Variants in CSMD1 observed in about 807,000 individuals in gnomAD.
CSMD1 encodes CUB and sushi domain-containing protein 1.
CSMD1 carries 213 observed loss-of-function variants against 417.5 expected under a neutral mutation model. The observed-to-expected ratio is 0.51, with a 90% CI of 0.46 to 0.57. CSMD1 has a LOEUF of 0.57. CSMD1 is among the 20% of genes least tolerant of loss of function. The probability of loss-of-function intolerance (pLI) is 0.00; values close to 1 mark genes in which losing one functional copy is unlikely to be tolerated. For missense variants in CSMD1, 6,923 were observed against 4,529.7 expected (o/e 1.53, Z -15.17); for synonymous variants, 2,862 against 1,736.8 (o/e 1.65, Z -16.11).
rs1224430397 is a variant in CSMD1 at position 3,494,560 on chromosome 8, A to ATAGGTAGG, written c.1345-835_1345-834insCCTACCTA. ...CAGATACAGACAGATTAGATGATAG[A>ATAGGTAGG]TAGATAGATAGATAGATAGATAGAT... On this transcript the variant is annotated intron_variant, in intron 10 of 69. Transcript: ENST00000635120. Among the ~76,000 whole-genome samples the ATAGGTAGG allele has an allele frequency of 5.0e-3, 217 of 43,320 alleles. 1 individual carries two copies. Among genetic ancestry groups the ATAGGTAGG allele is most frequent in the African/African-American group, 0.016 (207 of 12,876 alleles). The allele number at this position is 43,320 out of a possible 152,430, so 28.4% of individuals were successfully genotyped here.
chr8:3,023,314 T>A (rs1351684077), intron 51 of CSMD1, among the ~76,000 whole-genome samples: 2 of 152,212 alleles, frequency 1.3e-5, no homozygotes, highest in Non-Finnish European at 2.9e-5. Flanking sequence ...TGTGTGTGTA[T>A]AAAATTAAAA....
intron 5 of CSMD1, among the ~76,000 whole-genome samples, chr8:3,957,886 C>A (rs1372350946): frequency 1.3e-5 from 2 of 152,178 alleles, no homozygotes; most frequent in Non-Finnish European, 2.9e-5. Context: ...GGGGCTATCG[C>A]TGTATAATAA....
intron 1 of CSMD1, among the ~76,000 whole-genome samples, chr8:4,934,676 T>C (rs1028563925): frequency 6.6e-6 from 1 of 152,200 alleles, no homozygotes; most frequent in Non-Finnish European, 1.5e-5. Context: ...CTATCATCTA[T>C]GATCCATCTA....
At chr8:3,359,361 G>C in intron 20 of CSMD1, 21 bp from the exon 21 acceptor site, 3 of 1,558,136 alleles carry the variant, frequency 1.9e-6, no homozygotes, top group Non-Finnish European at 2.6e-6. Context: ...CAGAGACAGA[G>C]TAAATGCATG....
intron 3 of CSMD1, among the ~76,000 whole-genome samples, chr8:4,153,330 G>A (rs746564182): frequency 1.3e-5 from 2 of 152,186 alleles, no homozygotes; most frequent in Non-Finnish European, 2.9e-5. Context: ...ACATTGCCCC[G>A]TTTTGTGAAC....
Position 3,384,645 on chromosome 8 carries a change from T to G in CSMD1, c.2782+2849A>C, listed in dbSNP as rs545020577. Among the ~76,000 whole-genome samples the G allele has an allele frequency of 2.2e-4, 31 of 141,498 alleles. 1 individual carries two copies. The East Asian group carries it at 5.8e-3, about 27-fold the overall frequency. 92.8% of individuals were successfully genotyped at this position (141,498 alleles called of 152,430 possible). On this transcript the variant is annotated intron_variant, in intron 18 of 69. Coordinates refer to ENST00000635120, the MANE Select transcript of CSMD1 (RefSeq NM_033225.6). ...GCAAATTGCTATTTATATATTGCTA[T>G]ATACATATAAATTAATATAGATGCT...
At chr8:3,620,427 C>G (rs962783501) in intron 7 of CSMD1, among the ~76,000 whole-genome samples, 1 of 152,030 alleles carries the variant, frequency 6.6e-6, no homozygotes, top group Non-Finnish European at 1.5e-5. Flanking sequence ...ATGTTCATTT[C>G]CTACAGTATT....
At chr8:4,294,842 T>A (rs189739497) in intron 3 of CSMD1, among the ~76,000 whole-genome samples, 1 of 152,092 alleles carries the variant, frequency 6.6e-6, no homozygotes. Context: ...GTAACTTTCC[T>A]AAAATAATTC....
intron 5 of CSMD1, among the ~76,000 whole-genome samples, chr8:3,806,530 T>C (rs1458757574): frequency 1.3e-5 from 2 of 152,164 alleles, no homozygotes; most frequent in African/African-American, 4.8e-5. Flanking sequence ...CTTTGAGGCA[T>C]ATTCACTCAC....
At chr8:3,988,045 G>A (rs1410410030) in intron 5 of CSMD1, among the ~76,000 whole-genome samples, 1 of 152,132 alleles carries the variant, frequency 6.6e-6, no homozygotes, top group Non-Finnish European at 1.5e-5. Context: ...TAATAGATTT[G>A]GAAACACTAC....
intron 10 of CSMD1, among the ~76,000 whole-genome samples, chr8:3,537,866 C>A (rs190694541): frequency 3.4e-4 from 52 of 152,286 alleles, no homozygotes; most frequent in African/African-American, 9.1e-4. Context: ...AATTCAGGAG[C>A]CTCTTCTCCC....
intron 3 of CSMD1, among the ~76,000 whole-genome samples, chr8:4,276,956 A>G (rs1796520660): frequency 6.6e-6 from 1 of 152,196 alleles, no homozygotes; most frequent in African/African-American, 2.4e-5. Flanking sequence ...TCGTATACCA[A>G]CAAATGAAAA....
intron 5 of CSMD1, among the ~76,000 whole-genome samples, chr8:3,789,695 T>C (rs554579956): frequency 6.6e-6 from 1 of 151,816 alleles, no homozygotes; most frequent in East Asian, 1.9e-4. Flanking sequence ...TTATTTAGTA[T>C]TTATCATAGA....
chr8:3,276,100 G>T (rs1802268648), intron 26 of CSMD1, among the ~76,000 whole-genome samples: 1 of 152,046 alleles, frequency 6.6e-6, no homozygotes, highest in South Asian at 2.1e-4. Flanking sequence ...TGTACAGATG[G>T]GTTTTTGGTG....
chr8:4,201,071 A>C (rs185785665), intron 3 of CSMD1, among the ~76,000 whole-genome samples: 1 of 152,312 alleles, frequency 6.6e-6, no homozygotes, highest in East Asian at 1.9e-4. Context: ...CTTTCTACCT[A>C]GATAACCTTG....
At chr8:3,796,443 G>GTGTATAGATATAGATATCTATCA (rs1800150462) in intron 5 of CSMD1, among the ~76,000 whole-genome samples, 1 of 45,682 alleles carries the variant, frequency 2.2e-5, no homozygotes, top group Non-Finnish European at 4.9e-5. Flanking sequence ...TATATCTATC[G>GTGTATAGATATAGATATCTATCA]TGTATAGATA....
At chr8:3,216,632 C>T (rs1052586256) in intron 29 of CSMD1, among the ~76,000 whole-genome samples, 2 of 152,204 alleles carry the variant, frequency 1.3e-5, no homozygotes, top group African/African-American at 4.8e-5. Context: ...CTTGTCACTT[C>T]AGGATGTTCC....
At chr8:4,212,297 C>T (rs377584852) in intron 3 of CSMD1, among the ~76,000 whole-genome samples, 1 of 151,894 alleles carries the variant, frequency 6.6e-6, no homozygotes. Flanking sequence ...TTAGTCAAAA[C>T]TAGATACCTA....
At chr8:4,976,785 G>A (rs1284818045) in intron 1 of CSMD1, among the ~76,000 whole-genome samples, 1 of 152,128 alleles carries the variant, frequency 6.6e-6, no homozygotes, top group Non-Finnish European at 1.5e-5. Context: ...GTAGGTATAT[G>A]ACACATCACT....
Sources: gnomAD v4.1 joint callset for allele counts (sites outside exome capture counted in the v4.1 genomes callset) on GRCh38, gnomAD v4.1.1 for gene constraint, MANE v1.5 for transcripts, NCBI Gene and HGNC (gene_info 2026-07-23, HGNC 2026-07-21) for gene names.